The following TBC1D5 variants were observed in gnomAD, a reference collection of about 807,000 sequenced individuals.
TBC1D5 encodes TBC1 domain family member 5.
A neutral mutation model predicts 100.3 loss-of-function variants in TBC1D5; 75 were observed. The ratio of observed to expected loss-of-function variants is 0.75; its 90% CI spans 0.62 to 0.91. TBC1D5 has a LOEUF of 0.91. Among genes scored for constraint, TBC1D5 ranks in the 40% least tolerant of loss-of-function variants. The probability of loss-of-function intolerance (pLI) is 0.00; values close to 1 mark genes in which losing one functional copy is unlikely to be tolerated. For synonymous variants in TBC1D5, 323 were observed against 325.6 expected (o/e 0.99, Z 0.09); for missense variants, 910 against 942.4 (o/e 0.97, Z 0.45).
intron 14 of TBC1D5, among the ~76,000 whole-genome samples, chr3:17,298,099 A>C (rs890988211): frequency 3.3e-5 from 5 of 152,354 alleles, no homozygotes; most frequent in Admixed American, 2.6e-4. Flanking sequence ...GAAATGAAGG[A>C]AAACCATAGG....
At chr3:17,473,194 T>TGA (rs1346574609) in intron 3 of TBC1D5, among the ~76,000 whole-genome samples, 1 of 152,184 alleles carries the variant, frequency 6.6e-6, no homozygotes, top group Non-Finnish European at 1.5e-5. Flanking sequence ...TCACAGGACT[T>TGA]GAGCCCAGGA....
intron 3 of TBC1D5, among the ~76,000 whole-genome samples, chr3:17,456,659 G>C (rs896660782): frequency 2.0e-5 from 3 of 152,158 alleles, no homozygotes; most frequent in African/African-American, 7.2e-5. Flanking sequence ...ACAAATGCTG[G>C]TGAGGATGTA....
At chr3:17,610,102 T>C (rs2061574228) in intron 2 of TBC1D5, among the ~76,000 whole-genome samples, 1 of 152,218 alleles carries the variant, frequency 6.6e-6, no homozygotes, top group African/African-American at 2.4e-5. Flanking sequence ...TCCAATATCA[T>C]ATCCAAATAT....
At chr3:17,393,241 A>G (rs971187843) in intron 8 of TBC1D5, among the ~76,000 whole-genome samples, 3 of 151,966 alleles carry the variant, frequency 2.0e-5, no homozygotes, top group Non-Finnish European at 4.4e-5. Context: ...AGTTCTTTGT[A>G]AATACCTGGG....
In TBC1D5 at chr3:17,361,493, T is replaced by C. The variant is rs527895159; in HGVS notation, c.995+10582A>G. On this transcript the variant is annotated intron_variant, in intron 13 of 21. Coordinates refer to ENST00000253692, the Ensembl canonical transcript of TBC1D5. ...ACAATCATTTCACGTGCACAAGAAA[T>C]ATTCACCAAGCTCTACTATATTTAG... Among the ~76,000 whole-genome samples the C allele has an allele frequency of 2.6e-5, 4 of 152,150 alleles. No individual in the cohort carries two copies. In the South Asian group the frequency reaches 8.3e-4, roughly 31 times the overall value.
At chr3:17,508,380 G>A (rs1434789247) in intron 3 of TBC1D5, 94 bp downstream of exon 3, 2 of 933,890 alleles carry the variant, frequency 2.1e-6, no homozygotes, top group Non-Finnish European at 3.5e-6. Context: ...ATCAAAATGT[G>A]TTCACACACA....
At chr3:17,484,311 G>A (rs971013129) in intron 3 of TBC1D5, among the ~76,000 whole-genome samples, 1 of 152,100 alleles carries the variant, frequency 6.6e-6, no homozygotes, top group Admixed American at 6.6e-5. Flanking sequence ...AGTTTACTAT[G>A]GTGTGCATAG....
intron 3 of TBC1D5, among the ~76,000 whole-genome samples, chr3:17,456,481 T>C (rs2095087615): frequency 6.6e-6 from 1 of 152,172 alleles, no homozygotes; most frequent in Non-Finnish European, 1.5e-5. Context: ...GATTACAATA[T>C]GGGTGAAAGA....
At chr3:17,319,489 G>A (rs2085108950) in intron 13 of TBC1D5, among the ~76,000 whole-genome samples, 5 of 148,674 alleles carry the variant, frequency 3.4e-5, no homozygotes, top group Admixed American at 2.0e-4. Flanking sequence ...TTAACAAGAC[G>A]TACAATAAGA....
At chr3:17,490,260 G>A (rs1482625730) in intron 3 of TBC1D5, among the ~76,000 whole-genome samples, 1 of 152,066 alleles carries the variant, frequency 6.6e-6, no homozygotes, top group African/African-American at 2.4e-5. Context: ...GTCAGATGGA[G>A]ATATTGCAAA....
intron 1 of TBC1D5, among the ~76,000 whole-genome samples, chr3:17,731,681 G>A (rs542558389): frequency 3.1e-4 from 47 of 152,200 alleles, no homozygotes; most frequent in South Asian, 1.2e-3. Context: ...ATGGGGACCT[G>A]AACTAGAGAA....
intron 2 of TBC1D5, among the ~76,000 whole-genome samples, chr3:17,531,778 C>T (rs542115639): frequency 2.0e-5 from 3 of 152,016 alleles, no homozygotes; most frequent in Non-Finnish European, 4.4e-5. Flanking sequence ...AACTGGCTAG[C>T]CGTATGTAGA....
chr3:17,568,222 C>T (rs1325572568), intron 2 of TBC1D5, among the ~76,000 whole-genome samples: 1 of 151,310 alleles, frequency 6.6e-6, no homozygotes, highest in Non-Finnish European at 1.5e-5. Flanking sequence ...TATATTTTCA[C>T]TACCAATTTA....
intron 15 of TBC1D5, among the ~76,000 whole-genome samples, chr3:17,259,560 T>A (rs1167729773): frequency 6.6e-6 from 1 of 152,180 alleles, no homozygotes; most frequent in African/African-American, 2.4e-5. Context: ...AAGTTAATAA[T>A]TAGGTTTTTG....
At chr3:17,182,878 T>C (rs921264315) in intron 19 of TBC1D5, among the ~76,000 whole-genome samples, 1 of 152,154 alleles carries the variant, frequency 6.6e-6, no homozygotes, top group Non-Finnish European at 1.5e-5. Flanking sequence ...TGTTTTTTTT[T>C]AAATTATTAT....
intron 13 of TBC1D5, among the ~76,000 whole-genome samples, chr3:17,340,119 G>T (rs939212470): frequency 1.7e-4 from 26 of 152,176 alleles, no homozygotes; most frequent in African/African-American, 5.5e-4. Context: ...GAGCTCCCCA[G>T]ATGGAAGTGA....
chr3:17,412,390 A>G (rs578174691), intron 4 of TBC1D5, among the ~76,000 whole-genome samples: 20 of 152,294 alleles, frequency 1.3e-4, no homozygotes, highest in African/African-American at 4.1e-4. Context: ...TGAGAATCAA[A>G]CATTAAACAG....
chr3:17,450,158 A>C (rs2094892671), intron 3 of TBC1D5, among the ~76,000 whole-genome samples: 1 of 152,198 alleles, frequency 6.6e-6, no homozygotes. Context: ...GTTAGAAAGT[A>C]AACTAACAAA....
At chr3:17,546,861 A>G (rs573776385) in intron 2 of TBC1D5, among the ~76,000 whole-genome samples, 1 of 152,340 alleles carries the variant, frequency 6.6e-6, no homozygotes, top group South Asian at 2.1e-4. Flanking sequence ...TTCCAAGTAA[A>G]TAAATTTCAC....
Sources: gnomAD v4.1 joint callset for allele counts (sites outside exome capture counted in the v4.1 genomes callset) on GRCh38, gnomAD v4.1.1 for gene constraint, MANE v1.5 for transcripts, NCBI Gene and HGNC (gene_info 2026-07-23, HGNC 2026-07-21) for gene names.